Variants in ZNF90 observed in about 807,000 individuals in gnomAD.
ZNF90 encodes zinc finger protein 90.
In ZNF90, 11 loss-of-function variants were observed where a neutral mutation model predicts 12.0. The observed-to-expected ratio is 0.92, with a 90% CI of 0.58 to 1.52. The LOEUF is 1.52. Among genes scored for constraint, ZNF90 ranks in the 40% most tolerant of loss-of-function variants. ZNF90 has a pLI of 0.00. For missense variants in ZNF90, 765 were observed against 711.5 expected, an observed-to-expected ratio of 1.08 and a Z score of -0.86; for synonymous variants, 232 against 240.1, an observed-to-expected ratio of 0.97 and a Z score of 0.31.
chr19:20,096,346 C>T (rs1335170172), intron 1 of ZNF90, among the ~76,000 whole-genome samples: 1 of 152,156 alleles, frequency 6.6e-6, no homozygotes, highest in Non-Finnish European at 1.5e-5. Flanking sequence ...TCATGCATGT[C>T]CGTGTGAAGA....
intron 1 of ZNF90, among the ~76,000 whole-genome samples, 176 bp downstream of exon 1, chr19:20,078,311 G>T (rs2088793086): frequency 6.6e-6 from 1 of 152,154 alleles, no homozygotes; most frequent in African/African-American, 2.4e-5. Flanking sequence ...AGCGCCGACA[G>T]CCGGGCCCCG....
At chr19:20,110,353 A>C (rs944633827) in intron 3 of ZNF90, among the ~76,000 whole-genome samples, 2 of 151,902 alleles carry the variant, frequency 1.3e-5, no homozygotes, top group African/African-American at 4.8e-5. Context: ...ATCTTGGCTC[A>C]CTGCAACCCC....
In ZNF90 at chr19:20,085,268, C is replaced by CTTTTTTTTTCTTTTTTTTT. The variant is rs143305769; in HGVS notation, c.3+7142_3+7143insCTTTTTTTTTTTTTTTTTT. On this transcript the variant is annotated intron_variant, in intron 1 of 3. Transcript: ENST00000418063. The stretch of plus-strand genomic sequence containing the variant: ...GGCCTCTCTGTTCTGTTGCATTGGT[C>CTTTTTTTTTCTTTTTTTTT]TTTTTTTTTTAGACGGAGTCTCGCT... 4.4e-5 allele frequency among the ~76,000 whole-genome samples: 6 copies of CTTTTTTTTTCTTTTTTTTT among 135,572 alleles called. No individual in the cohort carries two copies. In the East Asian group the frequency reaches 7.6e-4, roughly 17 times the overall value. The allele number at this position is 135,572 out of a possible 152,430, so 88.9% of individuals were successfully genotyped here.
chr19:20,108,609 T>A (rs1471661308), intron 3 of ZNF90, among the ~76,000 whole-genome samples: 1 of 152,130 alleles, frequency 6.6e-6, no homozygotes, highest in African/African-American at 2.4e-5. Context: ...TGAGCCACCG[T>A]GCCTGGCCTG....
At chr19:20,117,029 G>GTGTGTT (rs1439279583) in intron 3 of ZNF90, among the ~76,000 whole-genome samples, 5 of 149,858 alleles carry the variant, frequency 3.3e-5, no homozygotes, top group African/African-American at 1.2e-4. Flanking sequence ...GTGTGTGTGT[G>GTGTGTT]TGTGTGTGTG....
chr19:20,095,795 C>T lies in ZNF90; in HGVS notation c.4-8444C>T, dbSNP rs371394212. Among the ~76,000 whole-genome samples the T allele has an allele frequency of 3.8e-4, 57 of 151,720 alleles. 1 individual carries two copies. The highest frequency in any genetic ancestry group is 7.2e-4 in the Non-Finnish European group (49 of 67,902). ...GAGAAGGGGTTGAGGGGTTCTTGCC[C>T]CTGCCCCAGAAAAGCAGAGAAGGGG... On this transcript the variant is annotated intron_variant, in intron 1 of 3. Transcript: ENST00000418063.
chr19:20,089,229 G>A (rs782170754), intron 1 of ZNF90, among the ~76,000 whole-genome samples: 1 of 152,152 alleles, frequency 6.6e-6, no homozygotes, highest in Admixed American at 6.5e-5. Flanking sequence ...AGAAAACATT[G>A]AGTATCTATG....
intron 1 of ZNF90, among the ~76,000 whole-genome samples, chr19:20,097,699 C>T (rs1396989231): frequency 6.6e-6 from 1 of 152,190 alleles, no homozygotes; most frequent in African/African-American, 2.4e-5. Context: ...TATTTTGAAT[C>T]CAGGTCTTGA....
At chr19:20,111,470 C>T (rs2089088317) in intron 3 of ZNF90, among the ~76,000 whole-genome samples, 1 of 152,158 alleles carries the variant, frequency 6.6e-6, no homozygotes, top group African/African-American at 2.4e-5. Context: ...ATCAGCCTAT[C>T]TTAGCCTTCC....
chr19:20,113,215 T>A (rs1402893822), intron 3 of ZNF90, among the ~76,000 whole-genome samples: 1 of 151,680 alleles, frequency 6.6e-6, no homozygotes, highest in Non-Finnish European at 1.5e-5. Flanking sequence ...TGAGAGGGAG[T>A]TTCACTCATG....
At chr19:20,102,009 C>A (rs2088993868) in intron 1 of ZNF90, among the ~76,000 whole-genome samples, 1 of 152,122 alleles carries the variant, frequency 6.6e-6, no homozygotes, top group African/African-American at 2.4e-5. Context: ...TCTTATATGC[C>A]ATGCAGAATT....
Position 20,120,265 on chromosome 19 carries a change from A to G in ZNF90, c.*905A>G, listed in dbSNP as rs1013597691. Among the ~76,000 whole-genome samples the G allele has an allele frequency of 2.0e-5, 3 of 152,260 alleles. No homozygotes were observed. The highest frequency in any genetic ancestry group is 4.4e-5 in the Non-Finnish European group (3 of 68,046). On this transcript the variant is annotated 3_prime_UTR_variant, in exon 4 of 4. Coordinates refer to ENST00000418063, the MANE Select transcript of ZNF90 (RefSeq NM_007138.2). ...CCCAACAGAAGGTGGTTCACAGTTA[A>G]TGAAAGCATTTAAAGTGCAATTATG...
rs1018270153 is a variant in ZNF90 at position 20,119,589 on chromosome 19, A to G, written c.*229A>G. The G allele has an allele frequency of 5.1e-5, 23 of 455,138 alleles. No individual in the cohort carries two copies. The highest frequency in any genetic ancestry group is 4.6e-4 in the African/African-American group (23 of 50,286). 28.2% of individuals were successfully genotyped at this position (455,138 alleles called of 1,614,324 possible). A position where few individuals can be genotyped will look rare whatever the true frequency, so the allele number is the denominator to read the frequency against. On this transcript the variant is annotated 3_prime_UTR_variant, in exon 4 of 4. Coordinates refer to ENST00000418063, the MANE Select transcript of ZNF90 (RefSeq NM_007138.2). ...TGGACGGAAACTCTACAGGTGTGAA[A>G]AATGCAGCAAAGCCTATAACAAGTT...
chr19:20,119,621 TC>T lies in ZNF90; in HGVS notation c.*262del. The T allele has an allele frequency of 9.1e-6, 3 of 328,274 alleles. No individual in the cohort carries two copies. The highest frequency in any genetic ancestry group is 1.1e-4 in the East Asian group (2 of 18,048). The allele number at this position is 328,274 out of a possible 1,614,324, so 20.3% of individuals were successfully genotyped here. ...GCAAAGCCTATAACAAGTTCTCAATTCTTTTTTTTTTTTTTTAAGAAGGAGT... is the reference window on the plus strand; with the variant it reads ...GCAAAGCCTATAACAAGTTCTCAATTTTTTTTTTTTTTTTTAAGAAGGAGT... On this transcript the variant is annotated 3_prime_UTR_variant, in exon 4 of 4. Coordinates refer to ENST00000418063, the MANE Select transcript of ZNF90 (RefSeq NM_007138.2).
chr19:20,104,984 C>T (rs2089020872), intron 2 of ZNF90, among the ~76,000 whole-genome samples: 1 of 151,892 alleles, frequency 6.6e-6, no homozygotes, highest in Non-Finnish European at 1.5e-5. Flanking sequence ...ACAAGAGAAA[C>T]TCCGTCTGAA....
intron 3 of ZNF90, chr19:20,106,990 G>A (rs782170944): frequency 2.2e-6 from 1 of 454,536 alleles, no homozygotes; most frequent in East Asian, 7.0e-5. Flanking sequence ...GCAGACACTA[G>A]GGCATGTTTT....
At chr19:20,091,422 C>T (rs191197187) in intron 1 of ZNF90, among the ~76,000 whole-genome samples, 1 of 152,066 alleles carries the variant, frequency 6.6e-6, no homozygotes, top group Non-Finnish European at 1.5e-5. Flanking sequence ...ATAGAATGGG[C>T]CTGTGAGGCT....
chr19:20,114,448 G>C (rs912215707), intron 3 of ZNF90, among the ~76,000 whole-genome samples: 9 of 152,066 alleles, frequency 5.9e-5, no homozygotes, highest in Non-Finnish European at 1.2e-4. Context: ...ATTGTTTTCT[G>C]TTTCAAAGAG....
In ZNF90 at chr19:20,078,144, GC is replaced by G; in HGVS notation, c.3+11del. The G allele has an allele frequency of 1.2e-6, 2 of 1,614,164 alleles. No homozygotes were observed. Among genetic ancestry groups the G allele is most frequent in the East Asian group, 4.5e-5 (2 of 44,882 alleles). ...CCGGAAGCCTAGAAATGGTGAGAGT[GC>G]CTTTCCAGCATTCCGAGAGAGGGGA... On this transcript the variant is annotated intron_variant, in intron 1 of 3. Coordinates refer to ENST00000418063, the MANE Select transcript of ZNF90 (RefSeq NM_007138.2).
Sources: gnomAD v4.1 joint callset for allele counts (sites outside exome capture counted in the v4.1 genomes callset) on GRCh38, gnomAD v4.1.1 for gene constraint, MANE v1.5 for transcripts, NCBI Gene and HGNC (gene_info 2026-07-23, HGNC 2026-07-21) for gene names.